SCFD2: variants seen among roughly 807,000 people sequenced by gnomAD.
SCFD2 encodes the protein sec1 family domain containing 2.
In SCFD2, 54 loss-of-function variants were observed where a neutral mutation model predicts 58.9. The observed-to-expected ratio is 0.92, with a 90% CI of 0.74 to 1.15. The LOEUF is 1.15. Ranked by LOEUF, SCFD2 falls within the 50% of genes most tolerant of loss-of-function variation. SCFD2 has a pLI of 0.00. For missense variants in SCFD2, 805 were observed against 836.6 expected, an observed-to-expected ratio of 0.96 and a Z score of 0.47; for synonymous variants, 321 against 335.9, an observed-to-expected ratio of 0.96 and a Z score of 0.49.
At chr4:52,900,745 C>T (rs537454350) in intron 7 of SCFD2, among the ~76,000 whole-genome samples, 1 of 152,328 alleles carries the variant, frequency 6.6e-6, no homozygotes, top group South Asian at 2.1e-4. Flanking sequence ...AGAGGTGGAG[C>T]CTACAGAGGC....
intron 5 of SCFD2, among the ~76,000 whole-genome samples, chr4:53,089,121 T>G (rs1262047739): frequency 6.6e-6 from 1 of 152,164 alleles, no homozygotes; most frequent in African/African-American, 2.4e-5. Flanking sequence ...TCTCCAGAAC[T>G]GTGAGAAATA....
At chr4:53,298,328 C>G (rs1013042582) in intron 3 of SCFD2, among the ~76,000 whole-genome samples, 16 of 152,172 alleles carry the variant, frequency 1.1e-4, no homozygotes, top group Admixed American at 2.6e-4. Context: ...GGTCCTATAC[C>G]CATGGAGCCT....
At chr4:53,182,816 AAC>A (rs1727617119) in intron 4 of SCFD2, among the ~76,000 whole-genome samples, 2 of 151,416 alleles carry the variant, frequency 1.3e-5, no homozygotes, top group South Asian at 4.1e-4. Flanking sequence ...AGAAAAAAAA[AAC>A]AACCCCATCA....
At chr4:52,874,430 C>T (rs11737433) in intron 8 of SCFD2, among the ~76,000 whole-genome samples, 4,606 of 152,294 alleles carry the variant, frequency 0.03, 106 homozygotes, top group Admixed American at 0.071. Flanking sequence ...AGTAATTTGA[C>T]GTCAATATCA....
At chr4:53,319,030 A>T (rs1308339607) in intron 2 of SCFD2, among the ~76,000 whole-genome samples, 2 of 152,204 alleles carry the variant, frequency 1.3e-5, no homozygotes, top group Non-Finnish European at 2.9e-5. Context: ...TTAATACTAT[A>T]CCATGCCATG....
intron 5 of SCFD2, among the ~76,000 whole-genome samples, chr4:52,938,325 G>A (rs574666615): frequency 6.6e-6 from 1 of 152,268 alleles, no homozygotes; most frequent in East Asian, 1.9e-4. Flanking sequence ...ACCATTATTT[G>A]AACCCAGGCA....
intron 8 of SCFD2, among the ~76,000 whole-genome samples, chr4:52,877,647 C>G (rs1379519200): frequency 6.6e-6 from 1 of 152,220 alleles, no homozygotes; most frequent in Non-Finnish European, 1.5e-5. Context: ...AGAATGGCAG[C>G]TGCCATGACT....
intron 3 of SCFD2, among the ~76,000 whole-genome samples, chr4:53,295,482 G>A (rs116567173): frequency 0.016 from 2,441 of 152,204 alleles, 72 homozygotes; most frequent in African/African-American, 0.056. Context: ...TTTGCAGATT[G>A]ACTTTGTATC....
intron 7 of SCFD2, among the ~76,000 whole-genome samples, chr4:52,894,783 G>C (rs1453515868): frequency 6.6e-6 from 1 of 152,168 alleles, no homozygotes; most frequent in South Asian, 2.1e-4. Flanking sequence ...TCTCAGAACT[G>C]CTGGAAAATG....
At chr4:53,334,033 A>C (rs1163868107) in intron 2 of SCFD2, among the ~76,000 whole-genome samples, 3 of 152,050 alleles carry the variant, frequency 2.0e-5, no homozygotes, top group Non-Finnish European at 4.4e-5. Flanking sequence ...GAGAAATGCA[A>C]ATCAAAACCA....
At chr4:53,345,013 C>G (rs1263415269) in intron 2 of SCFD2, among the ~76,000 whole-genome samples, 1 of 152,140 alleles carries the variant, frequency 6.6e-6, no homozygotes, top group Non-Finnish European at 1.5e-5. Flanking sequence ...AAAACCTAGG[C>G]AATACCATTC....
At chr4:53,246,275 C>G (rs951294457) in intron 4 of SCFD2, among the ~76,000 whole-genome samples, 5 of 152,086 alleles carry the variant, frequency 3.3e-5, no homozygotes, top group African/African-American at 1.2e-4. Flanking sequence ...CTGCCCAAAG[C>G]AATGTACAGA....
intron 1 of SCFD2, among the ~76,000 whole-genome samples, chr4:53,362,948 A>G (rs542191413): frequency 6.6e-6 from 1 of 152,290 alleles, no homozygotes; most frequent in East Asian, 1.9e-4. Flanking sequence ...GAAGGGTGGT[A>G]GATTTGGTGA....
intron 4 of SCFD2, among the ~76,000 whole-genome samples, chr4:53,272,199 AAAC>A (rs1292018682): frequency 1.3e-5 from 2 of 152,156 alleles, no homozygotes; most frequent in Non-Finnish European, 2.9e-5. Context: ...AAAAGTCAGG[AAAC>A]AACAGGTGCT....
intron 5 of SCFD2, among the ~76,000 whole-genome samples, chr4:53,091,700 T>C (rs1724474318): frequency 6.6e-6 from 1 of 152,042 alleles, no homozygotes; most frequent in African/African-American, 2.4e-5. Flanking sequence ...AGAAACTGCT[T>C]AGGTGACCTG....
rs1355585606 is a variant in SCFD2 at position 52,873,103 on chromosome 4, A to G, written c.*866T>C. 1 of 152,242 alleles carries G rather than the reference A, an allele frequency of 6.6e-6. No homozygotes were observed. Among genetic ancestry groups the G allele is most frequent in the Non-Finnish European group, 1.5e-5 (1 of 68,028 alleles). 9.4% of individuals were successfully genotyped at this position (152,242 alleles called of 1,614,324 possible). On this transcript the variant is annotated 3_prime_UTR_variant, in exon 9 of 9. Coordinates refer to ENST00000401642, the MANE Select transcript of SCFD2 (RefSeq NM_152540.4). ...CCTGGAGTTCTTACAAAGTTTCACT[A>G]GGTGGGTCTAGGTTTTTCTGCTATG... is the stretch of plus-strand genomic sequence containing the variant.
At chr4:53,093,277 TG>T (rs1444592553) in intron 5 of SCFD2, among the ~76,000 whole-genome samples, 1 of 152,110 alleles carries the variant, frequency 6.6e-6, no homozygotes. Context: ...GTTCAAGGGA[TG>T]GCATGTTTTG....
intron 5 of SCFD2, among the ~76,000 whole-genome samples, chr4:53,087,137 A>T (rs1474406575): frequency 2.0e-5 from 3 of 152,188 alleles, no homozygotes; most frequent in African/African-American, 7.2e-5. Flanking sequence ...GTACCCCATA[A>T]ACATATACAC....
chr4:52,931,113 C>T (rs1719983102), intron 5 of SCFD2, among the ~76,000 whole-genome samples: 1 of 152,246 alleles, frequency 6.6e-6, no homozygotes, highest in Admixed American at 6.5e-5. Flanking sequence ...AGTTCTCAAA[C>T]AGGCATATCT....
Sources: allele counts gnomAD v4.1 joint callset (sites outside exome capture counted in the v4.1 genomes callset), GRCh38; gene constraint gnomAD v4.1.1; transcripts MANE v1.5; gene names NCBI Gene and HGNC (gene_info 2026-07-23, HGNC 2026-07-21).